INO80: variants seen among roughly 807,000 people sequenced by gnomAD.
The protein encoded by INO80 is INO80 complex ATPase subunit, also known as chromatin-remodeling ATPase INO80.
Under a neutral mutation model 203.4 loss-of-function variants are expected in INO80, and 20 were observed. That is an observed-to-expected ratio of 0.10 (90% CI 0.07 to 0.14). The LOEUF (loss-of-function observed/expected upper bound fraction) is 0.14. Ranked by LOEUF, INO80 falls within the 10% of genes least tolerant of loss-of-function variation. The pLI is 1.00. For synonymous variants in INO80, 726 were observed against 685.2 expected, an observed-to-expected ratio of 1.06 and a Z score of -0.93; for missense variants, 1,419 against 1,914.4, an observed-to-expected ratio of 0.74 and a Z score of 4.83.
In INO80 at chr15:40,980,244, G is replaced by A. The variant is rs755517188; in HGVS notation, c.4650C>T (p.Thr1550=). The A allele has an allele frequency of 6.2e-7, 1 of 1,612,944 alleles. No individual in the cohort carries two copies. The highest frequency in any genetic ancestry group is 8.5e-7 in the Non-Finnish European group (1 of 1,179,990). Residue 1550 remains threonine (T), a synonymous_variant, in exon 36 of 36, where the codon ACC becomes ACT. Transcript: ENST00000648947. The stretch of plus-strand genomic sequence containing the variant: ...ATGGTTACCGTCCTCCAGAGGGGTT[G>A]GTGCCTTTGCCCTGTTTCCGGACCA... ...DSLVRKQGKG[T]NPSGGR
chr15:41,029,036 A>T (rs761930642), intron 24 of INO80, among the ~76,000 whole-genome samples: 4 of 152,170 alleles, frequency 2.6e-5, no homozygotes, highest in Admixed American at 6.5e-5. Context: ...TTATCTTTGG[A>T]TCTGCATTCT....
rs557120571 is a variant in INO80 at position 41,003,027 on chromosome 15, G to A, written c.3497+2566C>T. ...CCCAGCTACTCGGGAGGCTGAGGCA[G>A]GAGAATCGCTTGAACCCAGGAGGTG... On this transcript the variant is annotated intron_variant, in intron 28 of 35. Coordinates refer to ENST00000648947, the MANE Select transcript of INO80 (RefSeq NM_017553.3). Among the ~76,000 whole-genome samples, 408 of 152,152 alleles carry A rather than the reference G, an allele frequency of 2.7e-3. 3 individuals carry two copies. The highest frequency in any genetic ancestry group is 0.013 in the South Asian group (61 of 4,810).
intron 9 of INO80, among the ~76,000 whole-genome samples, chr15:41,075,275 CTTT>C (rs762541888): frequency 4.3e-5 from 6 of 140,770 alleles, no homozygotes; most frequent in Admixed American, 7.2e-5. Context: ...AGAAACTTTT[CTTT>C]TTTTTTTTTT....
intron 24 of INO80, among the ~76,000 whole-genome samples, chr15:41,037,899 T>C (rs1047453269): frequency 9.9e-5 from 15 of 151,484 alleles, no homozygotes; most frequent in African/African-American, 3.6e-4. Flanking sequence ...GCCAAGATTG[T>C]GCCACTGCAC....
intron 4 of INO80, among the ~76,000 whole-genome samples, chr15:41,095,260 G>C (rs2045705264): frequency 6.6e-6 from 1 of 152,196 alleles, no homozygotes; most frequent in African/African-American, 2.4e-5. Flanking sequence ...AGAATTGCTT[G>C]AACCTAGGAG....
intron 1 of INO80, among the ~76,000 whole-genome samples, chr15:41,105,861 A>AAGAT (rs1222122631): frequency 6.6e-6 from 1 of 152,160 alleles, no homozygotes; most frequent in Non-Finnish European, 1.5e-5. Context: ...TTGGCACAAC[A>AAGAT]AGATACTCAA....
At chr15:41,015,852 CAGA>C (rs1344041707) in intron 27 of INO80, among the ~76,000 whole-genome samples, 1 of 143,420 alleles carries the variant, frequency 7.0e-6, no homozygotes, top group Non-Finnish European at 1.5e-5. Context: ...GAGACTGGAG[CAGA>C]AGAATTCCTT....
rs146678520 is a variant in INO80, at chr15:41,011,044, G to A, written c.3402+5044C>T. On this transcript the variant is annotated intron_variant, in intron 27 of 35. Transcript: ENST00000648947. The stretch of plus-strand genomic sequence containing the variant: ...CCCTTTGGAGCAAGACTAGCAAAAG[G>A]CAATCATGGGCCCAAAATAATCTGA... Among the ~76,000 whole-genome samples, 6 of 152,244 alleles carry A rather than the reference G, an allele frequency of 3.9e-5. No individual in the cohort carries two copies. The East Asian group carries it at 1.2e-3, about 29-fold the overall frequency.
rs951920635 is a variant in INO80 at position 41,008,480 on chromosome 15, GA to G, written c.3403-2794del. Among the ~76,000 whole-genome samples, 32 of 152,152 alleles carry G rather than the reference GA, an allele frequency of 2.1e-4. 1 individual carries two copies. Among genetic ancestry groups the G allele is most frequent in the African/African-American group, 7.5e-4 (31 of 41,540 alleles). On this transcript the variant is annotated intron_variant, in intron 27 of 35. Transcript: ENST00000648947. ...GTACAAAGGTTCAGTTATGCAAAAT[GA>G]AAAAATCCTGGAGATCTAATGTACA...
At chr15:41,013,072 A>G (rs2044154270) in intron 27 of INO80, 1 of 104,954 alleles carries the variant, frequency 9.5e-6, no homozygotes, top group South Asian at 4.1e-4. Flanking sequence ...GCTAAGGCAC[A>G]TAACAACAAC....
At chr15:41,080,133 T>A (rs1400422322) in intron 8 of INO80, among the ~76,000 whole-genome samples, 2 of 152,164 alleles carry the variant, frequency 1.3e-5, no homozygotes, top group African/African-American at 4.8e-5. Flanking sequence ...CCTTAGAAGA[T>A]GAAAAATTAT....
At chr15:41,107,177 A>AT (rs1268527812) in intron 1 of INO80, among the ~76,000 whole-genome samples, 2 of 152,132 alleles carry the variant, frequency 1.3e-5, no homozygotes, top group Non-Finnish European at 2.9e-5. Flanking sequence ...CTCTAAAAAA[A>AT]TTTTTTTTAA....
chr15:41,049,262 T>C (rs1167458909), intron 21 of INO80, 25 bp downstream of exon 21: 27 of 1,592,846 alleles, frequency 1.7e-5, no homozygotes, highest in Admixed American at 8.7e-5. Flanking sequence ...ACACTAATAG[T>C]GAACAGATAG....
At chr15:41,057,797 C>CAAAAAAAAAAAAAAAAAAAA (rs35197370) in intron 16 of INO80, among the ~76,000 whole-genome samples, 3 of 29,344 alleles carry the variant, frequency 1.0e-4, no homozygotes, top group Non-Finnish European at 2.2e-4. Context: ...AACTACATCT[C>CAAAAAAAAAAAAAAAAAAAA]AAAAAAAAAA....
chr15:41,103,906 CAA>C (rs2045842663), intron 1 of INO80, among the ~76,000 whole-genome samples: 2 of 152,054 alleles, frequency 1.3e-5, no homozygotes, highest in African/African-American at 2.4e-5. Flanking sequence ...TCACTTCGCG[CAA>C]AGAGGCTCTT....
intron 24 of INO80, among the ~76,000 whole-genome samples, chr15:41,038,011 C>CTTTTTTTTT (rs748525965): frequency 3.3e-5 from 3 of 89,794 alleles, no homozygotes; most frequent in Non-Finnish European, 6.3e-5. Flanking sequence ...CTTCCCTTTT[C>CTTTTTTTTT]TTTTTTTTTT....
chr15:40,984,475 A>G, intron 32 of INO80, 123 bp from the exon 33 acceptor site: 2 of 864,030 alleles, frequency 2.3e-6, no homozygotes, highest in Middle Eastern at 2.3e-4. Flanking sequence ...CAATTAGCAT[A>G]TTTTTACGGA....
intron 29 of INO80, among the ~76,000 whole-genome samples, chr15:40,994,871 A>C (rs2043861424): frequency 6.6e-6 from 1 of 152,058 alleles, no homozygotes; most frequent in African/African-American, 2.4e-5. Flanking sequence ...CAAATGAACA[A>C]ACTGTTCCAG....
intron 28 of INO80, 77 bp downstream of exon 28, chr15:41,005,516 A>G: frequency 4.3e-6 from 3 of 705,188 alleles, no homozygotes; most frequent in Non-Finnish European, 7.1e-6. Context: ...TGGCATTTAA[A>G]AAAAAAAAAA....
Sources: allele counts gnomAD v4.1 joint callset (sites outside exome capture counted in the v4.1 genomes callset), GRCh38; gene constraint gnomAD v4.1.1; transcripts MANE v1.5; gene names NCBI Gene and HGNC (gene_info 2026-07-23, HGNC 2026-07-21).